Variants in ANGPT1 observed in about 807,000 individuals in gnomAD.
ANGPT1 encodes angiopoietin 1, also known as angiopoietin-1.
ANGPT1 carries 17 observed loss-of-function variants against 62.2 expected under a neutral mutation model. The ratio of observed to expected loss-of-function variants is 0.27; its 90% confidence interval spans 0.19 to 0.41. The LOEUF (loss-of-function observed/expected upper bound fraction) is 0.41. ANGPT1 is among the 10% of genes least tolerant of loss of function. The probability of loss-of-function intolerance (pLI) is 1.00; values close to 1 mark genes in which losing one functional copy is unlikely to be tolerated. For synonymous variants in ANGPT1, 199 were observed against 198.9 expected (o/e 1.00, Z 0.00); for missense variants, 478 against 594.9 (o/e 0.80, Z 2.04).
intron 7 of ANGPT1, among the ~76,000 whole-genome samples, chr8:107,272,565 T>C (rs1813761781): frequency 6.6e-6 from 1 of 151,966 alleles, no homozygotes; most frequent in African/African-American, 2.4e-5. Context: ...TTCAAAACTC[T>C]GGTAAAATAC....
At chr8:107,422,995 A>T (rs1810931300) in intron 1 of ANGPT1, among the ~76,000 whole-genome samples, 2 of 152,154 alleles carry the variant, frequency 1.3e-5, no homozygotes, top group Admixed American at 6.5e-5. Flanking sequence ...ATGATCTCCC[A>T]TTTCACAAAA....
chr8:107,346,361 C>T (rs189151662), intron 2 of ANGPT1, among the ~76,000 whole-genome samples: 1 of 152,196 alleles, frequency 6.6e-6, no homozygotes, highest in East Asian at 1.9e-4. Context: ...ATGATATTTG[C>T]TATTTGCCAG....
At chr8:107,287,777 G>T (rs896806201) in intron 6 of ANGPT1, among the ~76,000 whole-genome samples, 1 of 152,122 alleles carries the variant, frequency 6.6e-6, no homozygotes, top group African/African-American at 2.4e-5. Flanking sequence ...CATATTTGCT[G>T]TAGAAATATC....
At chr8:107,285,922 G>A (rs1482400375) in intron 6 of ANGPT1, among the ~76,000 whole-genome samples, 2 of 152,088 alleles carry the variant, frequency 1.3e-5, no homozygotes, top group Non-Finnish European at 1.5e-5. Context: ...CATGCACTGA[G>A]CATTCCAATA....
intron 1 of ANGPT1, among the ~76,000 whole-genome samples, chr8:107,403,022 T>A (rs1278037469): frequency 1.3e-5 from 2 of 152,148 alleles, no homozygotes; most frequent in East Asian, 3.9e-4. Context: ...ATAACTTGAT[T>A]AAAGTGGATC....
chr8:107,402,805 G>A (rs892179110), intron 1 of ANGPT1, among the ~76,000 whole-genome samples: 1 of 152,086 alleles, frequency 6.6e-6, no homozygotes. Flanking sequence ...TGGTTATGAT[G>A]TTCTTAAAAT....
intron 7 of ANGPT1, among the ~76,000 whole-genome samples, chr8:107,265,732 G>T (rs994681371): frequency 6.6e-6 from 1 of 152,038 alleles, no homozygotes; most frequent in African/African-American, 2.4e-5. Context: ...TCACATCTCT[G>T]TATGAGTGAG....
intron 5 of ANGPT1, among the ~76,000 whole-genome samples, chr8:107,296,559 G>T (rs936327600): frequency 1.3e-5 from 2 of 152,040 alleles, no homozygotes; most frequent in Non-Finnish European, 2.9e-5. Flanking sequence ...AATAAAATCA[G>T]ATGGCATAGT....
At chr8:107,267,708 T>TCCA (rs1813646553) in intron 7 of ANGPT1, among the ~76,000 whole-genome samples, 1 of 152,126 alleles carries the variant, frequency 6.6e-6, no homozygotes, top group African/African-American at 2.4e-5. Context: ...AATTCAAAGA[T>TCCA]AAAGTCCAAA....
At chr8:107,401,253 ATCT>A (rs911944637) in intron 1 of ANGPT1, among the ~76,000 whole-genome samples, 38 of 151,224 alleles carry the variant, frequency 2.5e-4, no homozygotes, top group African/African-American at 8.2e-4. Context: ...ATAGCAAGTG[ATCT>A]TCTGTCACTA....
intron 6 of ANGPT1, among the ~76,000 whole-genome samples, chr8:107,288,632 T>C (rs1814201147): frequency 6.6e-6 from 1 of 152,064 alleles, no homozygotes; most frequent in Non-Finnish European, 1.5e-5. Flanking sequence ...AAGGTAGAGA[T>C]CCATATAAAT....
At chr8:107,309,308 A>T (rs1814793948) in intron 4 of ANGPT1, among the ~76,000 whole-genome samples, 1 of 152,202 alleles carries the variant, frequency 6.6e-6, no homozygotes, top group Non-Finnish European at 1.5e-5. Flanking sequence ...TCATAGCACT[A>T]GAAATTGACC....
chr8:107,344,158 A>T (rs1815754772), intron 2 of ANGPT1, among the ~76,000 whole-genome samples: 1 of 152,198 alleles, frequency 6.6e-6, no homozygotes, highest in Non-Finnish European at 1.5e-5. Context: ...TATATGTAAA[A>T]TTACTTAGAA....
chr8:107,321,440 C>A (rs1226490909), intron 4 of ANGPT1, among the ~76,000 whole-genome samples: 1 of 152,134 alleles, frequency 6.6e-6, no homozygotes, highest in African/African-American at 2.4e-5. Flanking sequence ...CGTTTCTCTG[C>A]AACCCACAAT....
intron 1 of ANGPT1, among the ~76,000 whole-genome samples, chr8:107,355,416 A>G (rs1816022352): frequency 6.6e-6 from 1 of 152,164 alleles, no homozygotes; most frequent in South Asian, 2.1e-4. Flanking sequence ...AATCTAAAGC[A>G]CAGATTTGGC....
At chr8:107,397,091 ATT>A (rs1176097916) in intron 1 of ANGPT1, among the ~76,000 whole-genome samples, 1 of 152,078 alleles carries the variant, frequency 6.6e-6, no homozygotes, top group Non-Finnish European at 1.5e-5. Flanking sequence ...CCAATTGGTA[ATT>A]TTTGTCACTT....
At chr8:107,405,059 A>C (rs929499575) in intron 1 of ANGPT1, among the ~76,000 whole-genome samples, 3 of 152,026 alleles carry the variant, frequency 2.0e-5, no homozygotes, top group African/African-American at 7.2e-5. Flanking sequence ...ATTCATCTAT[A>C]AAAAATATAT....
intron 7 of ANGPT1, among the ~76,000 whole-genome samples, chr8:107,277,497 T>C (rs767701080): frequency 1.3e-5 from 2 of 152,208 alleles, no homozygotes; most frequent in Non-Finnish European, 2.9e-5. Flanking sequence ...GGAAATATTA[T>C]ACTACCTTCC....
At chr8:107,311,818 A>C (rs1356050593) in intron 4 of ANGPT1, among the ~76,000 whole-genome samples, 1 of 152,166 alleles carries the variant, frequency 6.6e-6, no homozygotes, top group African/African-American at 2.4e-5. Context: ...TAATCCCAGC[A>C]CTCTGGAAGT....
Sources: gnomAD v4.1 joint callset for allele counts (sites outside exome capture counted in the v4.1 genomes callset) on GRCh38, gnomAD v4.1.1 for gene constraint, MANE v1.5 for transcripts, NCBI Gene and HGNC (gene_info 2026-07-23, HGNC 2026-07-21) for gene names.